The following RIMBP2 variants were observed in gnomAD, a reference collection of about 807,000 sequenced individuals.
RIMBP2 encodes RIMS binding protein 2, also known as RIMS-binding protein 2.
A neutral mutation model predicts 118.6 loss-of-function variants in RIMBP2; 48 were observed. The ratio of observed to expected loss-of-function variants is 0.40; its 90% CI spans 0.32 to 0.51. RIMBP2 has a LOEUF of 0.51. Among genes scored for constraint, RIMBP2 ranks in the 20% least tolerant of loss-of-function variants. The pLI is 0.41. For missense variants in RIMBP2, 1,551 were observed against 1,768.3 expected (o/e 0.88, Z 2.20); for synonymous variants, 762 against 742.9 (o/e 1.03, Z -0.42).
At chr12:130,473,887 G>C (rs2137955753) in intron 5 of RIMBP2, among the ~76,000 whole-genome samples, 1 of 152,274 alleles carries the variant, frequency 6.6e-6, no homozygotes, top group South Asian at 2.1e-4. Context: ...GGTGAGCTCA[G>C]CTTCTCTTAG....
At chr12:130,574,497 G>A (rs1438097182) in intron 2 of RIMBP2, among the ~76,000 whole-genome samples, 2 of 152,134 alleles carry the variant, frequency 1.3e-5, no homozygotes, top group Non-Finnish European at 2.9e-5. Context: ...GAAGTCTGTG[G>A]TTGCCATCAT....
At chr12:130,569,356 C>T (rs965654697) in intron 2 of RIMBP2, among the ~76,000 whole-genome samples, 1 of 152,232 alleles carries the variant, frequency 6.6e-6, no homozygotes, top group Admixed American at 6.5e-5. Context: ...ATCTCACTAA[C>T]AGAATCCCAG....
At chr12:130,616,943 G>A (rs1320745055) in intron 2 of RIMBP2, among the ~76,000 whole-genome samples, 2 of 152,172 alleles carry the variant, frequency 1.3e-5, no homozygotes, top group Non-Finnish European at 2.9e-5. Flanking sequence ...TGGGCTGTGG[G>A]TCCCCGCAAC....
chr12:130,575,037 C>T lies in RIMBP2; in HGVS notation c.-217+53285G>A, dbSNP rs1217677751. Among the ~76,000 whole-genome samples the T allele has an allele frequency of 1.3e-3, 96 of 72,940 alleles. 3 individuals are homozygous for T. Among genetic ancestry groups the T allele is most frequent in the African/African-American group, 5.1e-3 (78 of 15,374 alleles). 47.9% of individuals were successfully genotyped at this position (72,940 alleles called of 152,430 possible). A position where few individuals can be genotyped will look rare whatever the true frequency, so the allele number is the denominator to read the frequency against. On this transcript the variant is annotated intron_variant, in intron 2 of 22. Transcript: ENST00000690449. ...CACACCCCCCACCCCCACCCCCAGACGCCCTGTGCCAAGTCCTCCAGAATC... is the reference window on the plus strand; with the variant it reads ...CACACCCCCCACCCCCACCCCCAGATGCCCTGTGCCAAGTCCTCCAGAATC...
At chr12:130,640,340 G>A (rs7964640) in intron 1 of RIMBP2, among the ~76,000 whole-genome samples, 107,605 of 152,088 alleles carry the variant, frequency 0.71, 38,631 homozygotes, top group Middle Eastern at 0.79. Flanking sequence ...TCCCACTAAA[G>A]GCCCTGGAAC....
At chr12:130,684,482 C>T (rs867210743) in intron 1 of RIMBP2, among the ~76,000 whole-genome samples, 25 of 152,164 alleles carry the variant, frequency 1.6e-4, no homozygotes, top group South Asian at 6.2e-4. Flanking sequence ...CAAACCATAG[C>T]GACTCCATCT....
At chr12:130,605,518 G>A (rs924532048) in intron 2 of RIMBP2, among the ~76,000 whole-genome samples, 2 of 152,108 alleles carry the variant, frequency 1.3e-5, no homozygotes, top group African/African-American at 4.8e-5. Flanking sequence ...GGGAATTACT[G>A]TTCATTTTTA....
chr12:130,415,777 G>C (rs1262782389), intron 17 of RIMBP2, among the ~76,000 whole-genome samples: 2 of 152,148 alleles, frequency 1.3e-5, no homozygotes, highest in Non-Finnish European at 2.9e-5. Context: ...TCTCTTCACT[G>C]ATGATATGAT....
At chr12:130,624,254 CAT>C (rs1156465422) in intron 2 of RIMBP2, among the ~76,000 whole-genome samples, 8 of 152,202 alleles carry the variant, frequency 5.3e-5, no homozygotes, top group African/African-American at 4.8e-5. Flanking sequence ...CAGAGTTTCA[CAT>C]ATGTTTGGAA....
chr12:130,433,726 C>T (rs1452972859), intron 14 of RIMBP2, among the ~76,000 whole-genome samples: 1 of 152,100 alleles, frequency 6.6e-6, no homozygotes, highest in Non-Finnish European at 1.5e-5. Flanking sequence ...GGGGTGTTCT[C>T]ATAGGACGGT....
At chr12:130,524,185 A>G (rs1301586034) in intron 2 of RIMBP2, among the ~76,000 whole-genome samples, 1 of 152,218 alleles carries the variant, frequency 6.6e-6, no homozygotes, top group Non-Finnish European at 1.5e-5. Flanking sequence ...GGACATGGTA[A>G]TTAACCCACC....
chr12:130,550,766 G>A (rs2139713412), intron 2 of RIMBP2, among the ~76,000 whole-genome samples: 1 of 152,334 alleles, frequency 6.6e-6, no homozygotes, highest in African/African-American at 2.4e-5. Flanking sequence ...TAAGTTCTCT[G>A]GGAGATTCTA....
intron 1 of RIMBP2, among the ~76,000 whole-genome samples, chr12:130,643,783 G>A (rs1160019047): frequency 6.6e-6 from 1 of 152,190 alleles, no homozygotes; most frequent in African/African-American, 2.4e-5. Flanking sequence ...TGCCCACAGA[G>A]CAACAGAGGC....
rs2060987699 is a variant in RIMBP2 at position 130,617,026 on chromosome 12, A to G, written c.-217+11296T>C. Among the ~76,000 whole-genome samples the G allele has an allele frequency of 6.6e-6, 1 of 151,972 alleles. No individual in the cohort carries two copies. The highest frequency in any genetic ancestry group is 2.1e-4 in the South Asian group (1 of 4,808). ...CCCCTCCTCCTCTGCAGAGGCCCCC[A>G]TGTCCCACTGATGAGAGGTTCCACC... On this transcript the variant is annotated intron_variant, in intron 2 of 22. Coordinates refer to ENST00000690449, the MANE Select transcript of RIMBP2 (RefSeq NM_001393629.1). This position sits in a 1 kb window ranked among gnomAD's most constrained non-coding sequence, Gnocchi z 4.6.
intron 2 of RIMBP2, among the ~76,000 whole-genome samples, chr12:130,521,505 C>T (rs182230353): frequency 9.2e-5 from 14 of 152,346 alleles, no homozygotes; most frequent in East Asian, 5.8e-4. Flanking sequence ...GGCACCAGCA[C>T]GTCAGTCAGA....
At chr12:130,452,435 T>A (rs1390146491) in intron 7 of RIMBP2, among the ~76,000 whole-genome samples, 1 of 152,180 alleles carries the variant, frequency 6.6e-6, no homozygotes, top group East Asian at 1.9e-4. Flanking sequence ...GAACATCTGA[T>A]CCTGGAGGGC....
At chr12:130,412,432 G>A (rs1379852529) in intron 19 of RIMBP2, among the ~76,000 whole-genome samples, 187 bp downstream of exon 19, 1 of 152,214 alleles carries the variant, frequency 6.6e-6, no homozygotes, top group East Asian at 1.9e-4. Flanking sequence ...GCACACAGGA[G>A]ACTACTGGCA....
chr12:130,451,062 G>A (rs1001518156), intron 8 of RIMBP2, 133 bp downstream of exon 8: 16 of 1,072,034 alleles, frequency 1.5e-5, no homozygotes, highest in Middle Eastern at 2.3e-4. Flanking sequence ...ATTAACAGGG[G>A]CAAAGGGAAG....
chr12:130,515,527 C>T (rs1204578591), intron 3 of RIMBP2, among the ~76,000 whole-genome samples: 2 of 152,182 alleles, frequency 1.3e-5, no homozygotes, highest in African/African-American at 2.4e-5. Flanking sequence ...TTCATCCATG[C>T]AGTAGCGTGT....
Sources: gnomAD v4.1 joint callset for allele counts (sites outside exome capture counted in the v4.1 genomes callset) on GRCh38, gnomAD v4.1.1 for gene constraint, Gnocchi (gnomAD v3.1) non-coding constraint, MANE v1.5 for transcripts, NCBI Gene and HGNC (gene_info 2026-07-23, HGNC 2026-07-21) for gene names.